The following PTPRT variants were observed in gnomAD, a reference collection of about 807,000 sequenced individuals.
The protein encoded by PTPRT is protein tyrosine phosphatase receptor type T, also known as receptor-type tyrosine-protein phosphatase T.
PTPRT carries 56 observed loss-of-function variants against 176.8 expected under a neutral mutation model. The observed-to-expected ratio is 0.32, with a 90% CI of 0.26 to 0.40. The LOEUF (loss-of-function observed/expected upper bound fraction) is 0.40, where lower values mean the gene tolerates loss of function less well. Ranked by LOEUF, PTPRT falls within the 10% of genes least tolerant of loss-of-function variation. The probability of loss-of-function intolerance (pLI) is 1.00; values close to 1 mark genes in which losing one functional copy is unlikely to be tolerated. For synonymous variants in PTPRT, 783 were observed against 739.0 expected, an observed-to-expected ratio of 1.06 and a Z score of -0.96; for missense variants, 1,540 against 1,908.2, an observed-to-expected ratio of 0.81 and a Z score of 3.60.
chr20:42,115,784 A>G (rs999062798), intron 21 of PTPRT, among the ~76,000 whole-genome samples: 1 of 152,136 alleles, frequency 6.6e-6, no homozygotes, highest in Admixed American at 6.5e-5. Flanking sequence ...GATGAGAATA[A>G]AAGGTGGGAA....
chr20:42,296,575 A>G (rs2057390730), intron 12 of PTPRT, among the ~76,000 whole-genome samples: 1 of 152,212 alleles, frequency 6.6e-6, no homozygotes, highest in Non-Finnish European at 1.5e-5. Context: ...AGAAAGTATT[A>G]TAAAATTAAT....
At chr20:42,506,636 G>GA (rs759335365) in intron 7 of PTPRT, among the ~76,000 whole-genome samples, 3 of 151,880 alleles carry the variant, frequency 2.0e-5, no homozygotes, top group Non-Finnish European at 4.4e-5. Context: ...CCTGACTTGA[G>GA]AAAAAAATGA....
rs1216597042 is a variant in PTPRT at position 42,889,290 on chromosome 20, T to C, written c.89-3358A>G. On this transcript the variant is annotated intron_variant, in intron 1 of 30. Coordinates refer to ENST00000373187, the MANE Select transcript of PTPRT (RefSeq NM_007050.6). ...ATGCTTTTCCCTTCTTACAGTCTGC[T>C]CTTTGAAACTAGGGTTCCACAGCAG... Among the ~76,000 whole-genome samples the C allele has an allele frequency of 3.9e-5, 6 of 152,266 alleles. No individual in the cohort carries two copies. The East Asian group carries it at 1.2e-3, about 29-fold the overall frequency.
At chr20:42,680,943 C>T (rs2146080215) in intron 6 of PTPRT, among the ~76,000 whole-genome samples, 1 of 152,292 alleles carries the variant, frequency 6.6e-6, no homozygotes, top group Admixed American at 6.5e-5. Context: ...TCCATCCCCT[C>T]AAGAGTAGAC....
chr20:42,336,972 T>C (rs954781924), intron 11 of PTPRT, among the ~76,000 whole-genome samples: 7 of 152,064 alleles, frequency 4.6e-5, no homozygotes, highest in African/African-American at 1.7e-4. Context: ...GCCTCCAGAG[T>C]CCTTAATAGG....
intron 2 of PTPRT, among the ~76,000 whole-genome samples, chr20:42,812,422 A>T (rs2077711767): frequency 6.6e-6 from 1 of 152,044 alleles, no homozygotes; most frequent in African/African-American, 2.4e-5. Context: ...GTAACCTCTA[A>T]TCTACTTTCT....
Position 42,551,690 on chromosome 20 carries a change from T to C in PTPRT, c.1154-79128A>G, listed in dbSNP as rs550886157. Among the ~76,000 whole-genome samples the C allele has an allele frequency of 8.5e-5, 13 of 152,264 alleles. No homozygotes were observed. In the East Asian group the frequency reaches 2.1e-3, roughly 25 times the overall value. On this transcript the variant is annotated intron_variant, in intron 7 of 30. Coordinates refer to ENST00000373187, the MANE Select transcript of PTPRT (RefSeq NM_007050.6). ...GCTTGTTGACTTACGGTCTGCCCCT[T>C]GAACTCTCTGAGAAAACCTGTGGCC... is the stretch of plus-strand genomic sequence containing the variant.
chr20:42,602,025 T>C (rs138575969), intron 7 of PTPRT, among the ~76,000 whole-genome samples: 20 of 152,280 alleles, frequency 1.3e-4, no homozygotes, highest in African/African-American at 4.8e-4. Flanking sequence ...CATTCCTTGA[T>C]ACCAGAAATA....
intron 7 of PTPRT, among the ~76,000 whole-genome samples, chr20:42,634,615 T>C (rs1297353691): frequency 6.6e-6 from 1 of 152,050 alleles, no homozygotes; most frequent in East Asian, 1.9e-4. Flanking sequence ...TCAAGGATTG[T>C]CAATGGAAAA....
intron 2 of PTPRT, among the ~76,000 whole-genome samples, chr20:42,847,837 A>G (rs2078401470): frequency 6.6e-6 from 1 of 152,178 alleles, no homozygotes; most frequent in Admixed American, 6.5e-5. Flanking sequence ...AGAGGTCTTT[A>G]AAAAATTTTT....
intron 1 of PTPRT, among the ~76,000 whole-genome samples, chr20:42,888,885 GCTTT>G (rs2079146497): frequency 1.3e-5 from 2 of 152,228 alleles, no homozygotes; most frequent in South Asian, 4.1e-4. Flanking sequence ...TGGAAAATAT[GCTTT>G]CTTATGTATG....
At position 42,891,149 on chromosome 20, in the gene PTPRT, C is replaced by T. The variant is rs144762718; in HGVS notation, c.89-5217G>A. On this transcript the variant is annotated intron_variant, in intron 1 of 30. Transcript: ENST00000373187. ...GACTAATACAGTCCCCAAAGACACT[C>T]ATCTGGATGCTAACCTCATTCAGGT... Among the ~76,000 whole-genome samples, 1,117 of 152,318 alleles carry T rather than the reference C, an allele frequency of 7.3e-3. 10 individuals are homozygous for T. The highest frequency in any genetic ancestry group is 0.013 in the Non-Finnish European group (861 of 68,032).
At chr20:42,561,478 G>A (rs1046217972) in intron 7 of PTPRT, among the ~76,000 whole-genome samples, 1 of 152,148 alleles carries the variant, frequency 6.6e-6, no homozygotes, top group Non-Finnish European at 1.5e-5. Context: ...GACATCTTAA[G>A]GAAAAAACTG....
chr20:42,063,252 G>A, the PTPRT span, among the ~76,000 whole-genome samples: 3 of 152,138 alleles, frequency 2.0e-5, no homozygotes, highest in Non-Finnish European at 1.5e-5. Flanking sequence ...GTCTTAGCAC[G>A]TTTCCCCTCC....
chr20:42,492,280 G>A (rs959619486), intron 7 of PTPRT, among the ~76,000 whole-genome samples: 12 of 152,122 alleles, frequency 7.9e-5, no homozygotes, highest in South Asian at 4.1e-4. Flanking sequence ...CTTCCAGAGC[G>A]GCTATATCAT....
At chr20:42,570,966 G>A (rs1318680634) in intron 7 of PTPRT, among the ~76,000 whole-genome samples, 1 of 151,240 alleles carries the variant, frequency 6.6e-6, no homozygotes, top group African/African-American at 2.4e-5. Context: ...GGTGGGGGTG[G>A]GTTATTCTGC....
At chr20:42,221,421 C>T (rs894549835) in intron 15 of PTPRT, among the ~76,000 whole-genome samples, 2 of 152,088 alleles carry the variant, frequency 1.3e-5, no homozygotes, top group Non-Finnish European at 2.9e-5. Flanking sequence ...CACAGTTCTG[C>T]ATGGCTGGAG....
In PTPRT at chr20:42,247,673, C is replaced by G. The variant is rs1205900027; in HGVS notation, c.2312+1014G>C. On this transcript the variant is annotated intron_variant, in intron 14 of 30. Transcript: ENST00000373187. ...CCTGGGAGCAGGGCACAATACACCA[C>G]CTAGTATTATAATGTGGATAAATGT... Among the ~76,000 whole-genome samples, 3 of 152,096 alleles carry G rather than the reference C, an allele frequency of 2.0e-5. No individual in the cohort carries two copies. In the East Asian group the frequency reaches 5.8e-4, roughly 29 times the overall value.
chr20:43,106,456 G>A (rs968287806), intron 1 of PTPRT, among the ~76,000 whole-genome samples: 4 of 152,012 alleles, frequency 2.6e-5, no homozygotes, highest in African/African-American at 9.6e-5. Flanking sequence ...TCAGGAGTTC[G>A]AACCAACCTG....
Sources: allele counts gnomAD v4.1 joint callset (sites outside exome capture counted in the v4.1 genomes callset), GRCh38; gene constraint gnomAD v4.1.1; transcripts MANE v1.5; gene names NCBI Gene and HGNC (gene_info 2026-07-23, HGNC 2026-07-21).